Variants in RBFOX1 observed in about 807,000 individuals in gnomAD.
RBFOX1 encodes RNA binding fox-1 homolog 1.
In RBFOX1, 8 loss-of-function variants were observed where a neutral mutation model predicts 57.7. The observed-to-expected ratio is 0.14, with a 90% CI of 0.08 to 0.25. RBFOX1 has a LOEUF of 0.25. RBFOX1 is among the 10% of genes least tolerant of loss of function. The pLI is 1.00. For missense variants in RBFOX1, 611 were observed against 548.5 expected, an observed-to-expected ratio of 1.11 and a Z score of -1.14; for synonymous variants, 326 against 222.4, an observed-to-expected ratio of 1.47 and a Z score of -4.15.
At chr16:7,045,084 C>G (rs1317624178) in intron 3 of RBFOX1, among the ~76,000 whole-genome samples, 83 of 152,120 alleles carry the variant, frequency 5.5e-4, no homozygotes, top group African/African-American at 4.8e-5. Flanking sequence ...AAGCATGGAT[C>G]TGCATTCGAT....
At chr16:5,478,518 C>T (rs1322608430) in intron 2 of RBFOX1, among the ~76,000 whole-genome samples, 1 of 152,196 alleles carries the variant, frequency 6.6e-6, no homozygotes, top group Non-Finnish European at 1.5e-5. Flanking sequence ...GAATTAAACA[C>T]ATACACATAA....
chr16:7,643,810 C>A (rs556206799), intron 11 of RBFOX1, among the ~76,000 whole-genome samples: 1 of 152,246 alleles, frequency 6.6e-6, no homozygotes, highest in South Asian at 2.1e-4. Context: ...CAGGGCCTTT[C>A]CAGGTGTCTT....
At chr16:5,517,944 G>GTA (rs1228084570) in intron 2 of RBFOX1, among the ~76,000 whole-genome samples, 9 of 151,920 alleles carry the variant, frequency 5.9e-5, no homozygotes, top group Non-Finnish European at 2.9e-5. Flanking sequence ...GTGTGTGTGT[G>GTA]TGTGTGTGTG....
intron 1 of RBFOX1, among the ~76,000 whole-genome samples, chr16:5,415,883 C>G (rs2067147262): frequency 6.6e-6 from 1 of 152,080 alleles, no homozygotes; most frequent in South Asian, 2.1e-4. Context: ...TTTCCCAGGG[C>G]AAAGGGAAGC....
chr16:6,238,449 A>C (rs767991073), intron 1 of RBFOX1, among the ~76,000 whole-genome samples: 2 of 152,182 alleles, frequency 1.3e-5, no homozygotes, highest in Non-Finnish European at 2.9e-5. Context: ...GCCTCCTGGC[A>C]TGGTGGAAAT....
At chr16:6,214,668 A>AAG (rs1207698633) in intron 1 of RBFOX1, among the ~76,000 whole-genome samples, 3 of 106,852 alleles carry the variant, frequency 2.8e-5, no homozygotes, top group Admixed American at 1.0e-4. Context: ...GGAGAAGGAG[A>AAG]GAGGGAGAAG....
At chr16:7,331,858 A>G (rs995359049) in intron 4 of RBFOX1, among the ~76,000 whole-genome samples, 1 of 152,188 alleles carries the variant, frequency 6.6e-6, no homozygotes, top group South Asian at 2.1e-4. Context: ...CTAGGAATTT[A>G]TCTGCTCCTA....
At chr16:5,894,268 A>T (rs952542036) in intron 4 of RBFOX1, among the ~76,000 whole-genome samples, 6 of 152,210 alleles carry the variant, frequency 3.9e-5, no homozygotes, top group Admixed American at 2.0e-4. Context: ...AATTAAAACA[A>T]TTCAAAACAT....
At chr16:7,202,254 A>G (rs1416924813) in intron 4 of RBFOX1, among the ~76,000 whole-genome samples, 1 of 151,974 alleles carries the variant, frequency 6.6e-6, no homozygotes, top group Non-Finnish European at 1.5e-5. Flanking sequence ...ACAAATAAAA[A>G]TTACAATGAG....
chr16:6,070,817 GC>G (rs200895934), intron 1 of RBFOX1, among the ~76,000 whole-genome samples: 9 of 149,772 alleles, frequency 6.0e-5, no homozygotes, highest in East Asian at 4.0e-4. Flanking sequence ...ACACACGCTC[GC>G]CCCCCCCACA....
chr16:5,647,047 A>G (rs996488328), intron 3 of RBFOX1, among the ~76,000 whole-genome samples: 2 of 152,170 alleles, frequency 1.3e-5, no homozygotes, highest in African/African-American at 4.8e-5. Context: ...GAAATACACT[A>G]TAGGACCCTG....
At chr16:6,148,041 A>T (rs2096771605) in intron 1 of RBFOX1, among the ~76,000 whole-genome samples, 1 of 152,220 alleles carries the variant, frequency 6.6e-6, no homozygotes, top group Non-Finnish European at 1.5e-5. Context: ...CTAAACTGGC[A>T]GTGTAGACTG....
chr16:7,014,438 G>C (rs1187686395), intron 3 of RBFOX1, among the ~76,000 whole-genome samples: 1 of 150,888 alleles, frequency 6.6e-6, no homozygotes, highest in Non-Finnish European at 1.5e-5. Flanking sequence ...GTAGGGGTGG[G>C]GTTTTACCAT....
At chr16:5,361,504 C>T (rs1041970069) in intron 1 of RBFOX1, among the ~76,000 whole-genome samples, 5 of 152,088 alleles carry the variant, frequency 3.3e-5, no homozygotes, top group African/African-American at 1.2e-4. Flanking sequence ...CAGGGTGTGG[C>T]AAGATTAGCT....
At chr16:5,510,892 A>G (rs568607071) in intron 2 of RBFOX1, among the ~76,000 whole-genome samples, 41 of 152,302 alleles carry the variant, frequency 2.7e-4, no homozygotes, top group Admixed American at 2.3e-3. Flanking sequence ...AGCTATGGCC[A>G]CGTATCCCCA....
At chr16:6,843,647 C>T (rs538993896) in intron 3 of RBFOX1, among the ~76,000 whole-genome samples, 3 of 152,286 alleles carry the variant, frequency 2.0e-5, no homozygotes, top group South Asian at 4.1e-4. Flanking sequence ...CGACATCGCG[C>T]CACCGCACTC....
At chr16:6,403,942 C>A (rs1429985406) in intron 2 of RBFOX1, among the ~76,000 whole-genome samples, 1 of 152,104 alleles carries the variant, frequency 6.6e-6, no homozygotes, top group East Asian at 1.9e-4. Context: ...AGGAAGGTGG[C>A]TGTCTGTAAG....
At chr16:7,300,050 A>G (rs1010519649) in intron 4 of RBFOX1, among the ~76,000 whole-genome samples, 1 of 152,050 alleles carries the variant, frequency 6.6e-6, no homozygotes, top group South Asian at 2.1e-4. Context: ...CTGAAACTGC[A>G]TTTTTTCAGA....
intron 3 of RBFOX1, chr16:6,705,407 G>C (rs981584916): frequency 2.0e-5 from 3 of 152,170 alleles, no homozygotes; most frequent in Non-Finnish European, 4.4e-5. Flanking sequence ...GTTAAGTATA[G>C]AAATACCTAC....
Sources: allele counts gnomAD v4.1 joint callset (sites outside exome capture counted in the v4.1 genomes callset), GRCh38; gene constraint gnomAD v4.1.1; transcripts MANE v1.5; gene names NCBI Gene and HGNC (gene_info 2026-07-23, HGNC 2026-07-21).